BARX2: variants seen among roughly 807,000 people sequenced by gnomAD.
BARX2 encodes BARX homeobox 2, also known as homeobox protein BarH-like 2.
A neutral mutation model predicts 25.5 loss-of-function variants in BARX2; 11 were observed. That is an observed-to-expected ratio of 0.43 (90% CI 0.27 to 0.71). The LOEUF is 0.71. BARX2 is among the 30% of genes least tolerant of loss of function. The probability of loss-of-function intolerance (pLI) is 0.19; values close to 1 mark genes in which losing one functional copy is unlikely to be tolerated. For synonymous variants in BARX2, 137 were observed against 149.5 expected (o/e 0.92, Z 0.61); for missense variants, 360 against 359.9 (o/e 1.00, Z 0.00).
intron 1 of BARX2, among the ~76,000 whole-genome samples, chr11:129,394,413 A>G (rs1861697102): frequency 6.6e-6 from 1 of 152,258 alleles, no homozygotes; most frequent in Non-Finnish European, 1.5e-5. Flanking sequence ...ATAGTTCTAC[A>G]GTTTAATGAA....
At chr11:129,438,211 T>A (rs2135412677) in intron 2 of BARX2, 1 of 150,610 alleles carries the variant, frequency 6.6e-6, no homozygotes, top group South Asian at 2.1e-4. Flanking sequence ...TAATCCCAGC[T>A]ACTTGGGAGG....
intron 1 of BARX2, among the ~76,000 whole-genome samples, chr11:129,387,486 A>G: frequency 6.6e-6 from 1 of 152,238 alleles, no homozygotes; most frequent in Non-Finnish European, 1.5e-5. Context: ...AGGTGTTTTA[A>G]TATGGTTCCA....
chr11:129,375,599 G>A (rs898273213), upstream of BARX2, among the ~76,000 whole-genome samples: 4 of 152,012 alleles, frequency 2.6e-5, no homozygotes, highest in African/African-American at 9.7e-5. This position sits in a 1 kb window ranked among gnomAD's most constrained non-coding sequence, Gnocchi z 4.0. Context: ...GGGGGGAGGG[G>A]GAGGAGAGCC....
At chr11:129,438,917 T>G (rs538380063) in intron 2 of BARX2, among the ~76,000 whole-genome samples, 2 of 152,136 alleles carry the variant, frequency 1.3e-5, no homozygotes, top group East Asian at 1.9e-4. Context: ...GGACAGGAAG[T>G]CCCGCACTGA....
At chr11:129,396,402 T>C (rs894641334) in intron 1 of BARX2, among the ~76,000 whole-genome samples, 1 of 152,040 alleles carries the variant, frequency 6.6e-6, no homozygotes, top group Non-Finnish European at 1.5e-5. Flanking sequence ...CTTTTTTTTT[T>C]TTTGTCTAAG....
At position 129,451,503 on chromosome 11, in the gene BARX2, C is replaced by T. The variant is rs1465290170; in HGVS notation, c.*101C>T. The T allele has an allele frequency of 2.0e-5, 27 of 1,360,806 alleles. No homozygotes were observed. Among genetic ancestry groups the T allele is most frequent in the Non-Finnish European group, 2.6e-5 (26 of 1,002,698 alleles). 84.3% of individuals were successfully genotyped at this position (1,360,806 alleles called of 1,614,324 possible). ...AACCTTCCAGCAGCCCAGTAAACTGCGGGCGAAGAGATCTACCCGTCTCCC... is the reference window on the plus strand; with the variant it reads ...AACCTTCCAGCAGCCCAGTAAACTGTGGGCGAAGAGATCTACCCGTCTCCC... On this transcript the variant is annotated 3_prime_UTR_variant, in exon 4 of 4. Transcript: ENST00000281437.
intron 2 of BARX2, among the ~76,000 whole-genome samples, chr11:129,438,967 G>A (rs1862225079): frequency 6.6e-6 from 1 of 152,142 alleles, no homozygotes; most frequent in Non-Finnish European, 1.5e-5. Context: ...TGTCTCGCCG[G>A]GTATGTGGAG....
rs202164322 is a variant in BARX2 at position 129,437,060 on chromosome 11, G to T, written c.488+9G>T. The T allele has an allele frequency of 1.3e-6, 2 of 1,543,272 alleles. No homozygotes were observed. The highest frequency in any genetic ancestry group is 1.8e-6 in the Non-Finnish European group (2 of 1,140,866). ...TTGTCAACCCCAGACAGGTGAGGAC[G>T]CAGGGAAGGGACTCTCCGCAGTGAA... On this transcript the variant is annotated intron_variant, in intron 2 of 3. Coordinates refer to ENST00000281437, the MANE Select transcript of BARX2 (RefSeq NM_003658.5).
rs953744180 is a variant in BARX2, at chr11:129,397,613, G to A, written c.187+21391G>A. Among the ~76,000 whole-genome samples, 5 of 152,280 alleles carry A rather than the reference G, an allele frequency of 3.3e-5. No individual in the cohort carries two copies. The East Asian group carries it at 5.8e-4, about 18-fold the overall frequency. ...TAAAAAAATATTGTGGACCATTTAC[G>A]CACCAGGCGCTATGTGAAGACTGCA... On this transcript the variant is annotated intron_variant, in intron 1 of 3. Transcript: ENST00000281437.
chr11:129,443,003 T>C (rs1207180328), intron 3 of BARX2, 84 bp downstream of exon 3: 2 of 1,270,774 alleles, frequency 1.6e-6, no homozygotes, highest in African/African-American at 2.9e-5. Context: ...GCCGGACCAT[T>C]TGGCAGTTTG....
intron 1 of BARX2, among the ~76,000 whole-genome samples, chr11:129,419,457 T>C (rs1487856085): frequency 6.6e-6 from 1 of 152,206 alleles, no homozygotes; most frequent in Admixed American, 6.5e-5. Flanking sequence ...GTGAGGACTT[T>C]ATTTTAGAAT....
At chr11:129,428,339 T>C (rs1027911587) in intron 1 of BARX2, among the ~76,000 whole-genome samples, 3 of 152,252 alleles carry the variant, frequency 2.0e-5, no homozygotes, top group Admixed American at 1.3e-4. Context: ...GAGAAAGACA[T>C]ACTTAAGAGT....
intron 1 of BARX2, among the ~76,000 whole-genome samples, chr11:129,423,069 T>C (rs1862024247): frequency 6.6e-6 from 1 of 152,014 alleles, no homozygotes. Context: ...CATAGAGAGA[T>C]TTAAGTCAGG....
At chr11:129,414,989 G>C (rs973437000) in intron 1 of BARX2, among the ~76,000 whole-genome samples, 5 of 152,198 alleles carry the variant, frequency 3.3e-5, no homozygotes, top group African/African-American at 9.6e-5. Flanking sequence ...GTTGTGGTAA[G>C]TAGTGCAATA....
intron 1 of BARX2, among the ~76,000 whole-genome samples, chr11:129,391,857 C>T (rs1388681802): frequency 1.3e-5 from 2 of 152,110 alleles, no homozygotes; most frequent in Non-Finnish European, 2.9e-5. Flanking sequence ...TGAGGATGGC[C>T]CCTGAGGAGA....
intron 3 of BARX2, 115 bp downstream of exon 3, chr11:129,443,034 C>G: frequency 3.5e-6 from 3 of 868,032 alleles, no homozygotes; most frequent in Non-Finnish European, 5.6e-6. Flanking sequence ...ATTGGAAGGC[C>G]TTCTATGCTG....
intron 1 of BARX2, among the ~76,000 whole-genome samples, chr11:129,406,376 A>C (rs533998344): frequency 1.4e-4 from 22 of 152,358 alleles, no homozygotes; most frequent in Middle Eastern, 3.4e-3. Context: ...AGCAGAGTCT[A>C]AACACAAATT....
chr11:129,423,718 C>T (rs1010061763), intron 1 of BARX2, among the ~76,000 whole-genome samples: 1 of 152,176 alleles, frequency 6.6e-6, no homozygotes, highest in Non-Finnish European at 1.5e-5. Context: ...TTTTACTAGT[C>T]CTGTACTCTC....
intron 2 of BARX2, among the ~76,000 whole-genome samples, chr11:129,441,410 C>G (rs1862255672): frequency 1.3e-5 from 2 of 152,154 alleles, no homozygotes. Flanking sequence ...TCTGTGACAA[C>G]TACCCAATTC....
Sources: allele counts gnomAD v4.1 joint callset (sites outside exome capture counted in the v4.1 genomes callset), GRCh38; gene constraint gnomAD v4.1.1; non-coding constraint Gnocchi (gnomAD v3.1); transcripts MANE v1.5; gene names NCBI Gene and HGNC (gene_info 2026-07-23, HGNC 2026-07-21).